Variants in MNT observed in about 807,000 individuals in gnomAD.
MNT encodes the protein MAX network transcriptional repressor.
MNT carries 13 observed loss-of-function variants against 40.7 expected under a neutral mutation model. The observed-to-expected ratio is 0.32, with a 90% CI of 0.21 to 0.51. MNT has a LOEUF of 0.51. Among genes scored for constraint, MNT ranks in the 20% least tolerant of loss-of-function variants. The pLI is 0.98. For synonymous variants in MNT, 426 were observed against 354.8 expected, an observed-to-expected ratio of 1.20 and a Z score of -2.26; for missense variants, 757 against 792.0, an observed-to-expected ratio of 0.96 and a Z score of 0.53.
At position 2,385,838 on chromosome 17, in the gene MNT, G is replaced by A. The variant is rs750320233; in HGVS notation, c.*1063C>T. 10 of 152,316 alleles carry A rather than the reference G, an allele frequency of 6.6e-5. No homozygotes were observed. The highest frequency in any genetic ancestry group is 1.2e-4 in the Non-Finnish European group (8 of 68,118). The allele number at this position is 152,316 out of a possible 1,614,324, so 9.4% of individuals were successfully genotyped here. On this transcript the variant is annotated 3_prime_UTR_variant, in exon 6 of 6. Transcript: ENST00000174618. The stretch of plus-strand genomic sequence containing the variant: ...GTTTTTACCTTCCTGATGTCTCAAC[G>A]ATGTGGCTTCTATGCTCCTGGAAAC...
In MNT at chr17:2,386,838, T is replaced by A; in HGVS notation, c.*63A>T. 5 of 1,414,716 alleles carry A rather than the reference T, an allele frequency of 3.5e-6. No homozygotes were observed. The highest frequency in any genetic ancestry group is 2.8e-6 in the Non-Finnish European group (3 of 1,074,900). The allele number at this position is 1,414,716 out of a possible 1,614,324, so 87.6% of individuals were successfully genotyped here. On this transcript the variant is annotated 3_prime_UTR_variant, in exon 6 of 6. Transcript: ENST00000174618. ...GGCTGGAATGTGTGGAGCTGGTGGGTGAGAGAGTGGGGGACAGGTCCCCCT... is the reference window on the plus strand; with the variant it reads ...GGCTGGAATGTGTGGAGCTGGTGGGAGAGAGAGTGGGGGACAGGTCCCCCT...
Position 2,385,182 on chromosome 17 carries a change from T to C in MNT, c.*1719A>G, listed in dbSNP as rs1364486783. The C allele has an allele frequency of 6.6e-6, 1 of 152,140 alleles. No individual in the cohort carries two copies. The highest frequency in any genetic ancestry group is 2.4e-5 in the African/African-American group (1 of 41,372). The allele number at this position is 152,140 out of a possible 1,614,324, so 9.4% of individuals were successfully genotyped here. ...AAATAAGGAACAGTCCCCTGGGAGG[T>C]GTCCAGGACCAGGAGGGAACAGGAA... is the stretch of plus-strand genomic sequence containing the variant. On this transcript the variant is annotated 3_prime_UTR_variant, in exon 6 of 6. Coordinates refer to ENST00000174618, the MANE Select transcript of MNT (RefSeq NM_020310.3).
rs2066607200 is a variant in MNT, at chr17:2,400,463, A to T, written c.73+177T>A. The T allele has an allele frequency of 1.7e-5, 9 of 533,528 alleles. No individual in the cohort carries two copies. The Admixed American group carries it at 3.0e-4, about 18-fold the overall frequency. The allele number at this position is 533,528 out of a possible 1,614,324, so 33.0% of individuals were successfully genotyped here. On this transcript the variant is annotated intron_variant, in intron 1 of 5. Coordinates refer to ENST00000174618, the MANE Select transcript of MNT (RefSeq NM_020310.3). ...CAGCATGTTAATGAATTCATTAATT[A>T]ATTTCACTGCCCACATCACCCCTCC...
At position 2,395,261 on chromosome 17, in the gene MNT, G is replaced by A. The variant is rs1296462814; in HGVS notation, c.267C>T (p.Ile89=). 6.6e-7 allele frequency: 1 copy of A among 1,519,388 alleles called. No homozygotes were observed. The highest frequency in any genetic ancestry group is 2.3e-5 in the East Asian group (1 of 44,110). The allele number at this position is 1,519,388 out of a possible 1,614,324, so 94.1% of individuals were successfully genotyped here. The part of the protein sequence containing the change: ...PLATPAPLTV[I]PIPVVTNSPQ... ...GGGAGTTGGTCACCACAGGGATAGG[G>A]ATGACAGTCAGTGGGGCAGGGGTGG... The change falls in exon 2 of 6, where the codon ATC becomes ATT. Residue 89 remains isoleucine, a synonymous_variant. Coordinates refer to ENST00000174618, the MANE Select transcript of MNT (RefSeq NM_020310.3).
At position 2,384,567 on chromosome 17, in the gene MNT, C is replaced by T; in HGVS notation, c.*2334G>A. The stretch of plus-strand genomic sequence containing the variant: ...TCTGAACATCAAAAGGTAAAACACG[C>T]ATGAGAGGTAAGATGTGTGCGTGTG... On this transcript the variant is annotated 3_prime_UTR_variant, in exon 6 of 6. Transcript: ENST00000174618. 1 of 151,926 alleles carries T rather than the reference C, an allele frequency of 6.6e-6. No individual in the cohort carries two copies. The highest frequency in any genetic ancestry group is 1.5e-5 in the Non-Finnish European group (1 of 68,064). The allele number at this position is 151,926 out of a possible 1,614,324, so 9.4% of individuals were successfully genotyped here.
Position 2,400,742 on chromosome 17 carries a change from G to C in MNT, c.-30C>G, listed in dbSNP as rs777659518. On this transcript the variant is annotated 5_prime_UTR_variant, in exon 1 of 6. Coordinates refer to ENST00000174618, the MANE Select transcript of MNT (RefSeq NM_020310.3). ...CCGAGAGCTGCCGGGGGCGCGCCGG[G>C]GCCGAGGCTGCGGCCCGCGAGCCGG... 1 of 1,510,810 alleles carries C rather than the reference G, an allele frequency of 6.6e-7. No homozygotes were observed. 93.6% of individuals were successfully genotyped at this position (1,510,810 alleles called of 1,614,324 possible).
At chr17:2,395,920 C>A (rs1043753070) in intron 1 of MNT, among the ~76,000 whole-genome samples, 4 of 152,158 alleles carry the variant, frequency 2.6e-5, no homozygotes, top group African/African-American at 9.7e-5. Context: ...GCTGACAGAT[C>A]CCAGCTTCCG....
intron 1 of MNT, among the ~76,000 whole-genome samples, chr17:2,399,028 G>GCGGCGGCGGCACA (rs1231996712): frequency 1.6e-5 from 2 of 128,382 alleles, no homozygotes; most frequent in Admixed American, 7.7e-5. Flanking sequence ...CCCGCCCGCC[G>GCGGCGGCGGCACA]CGGCGGCGGC....
chr17:2,395,207 CAAGGGT>C lies in MNT; in HGVS notation c.315_320del (p.Leu107_Pro108del). On this transcript the variant is annotated inframe_deletion, in exon 2 of 6. Transcript: ENST00000174618. ...GGGGCAGAGGCTGGGCTGCCGCGGG[CAAGGGT>C]GGGGGTGGGGGTAGAGGCTGAGGGG... 7.7e-7 allele frequency: 1 copy of C among 1,298,670 alleles called. No homozygotes were observed. Among genetic ancestry groups the C allele is most frequent in the Non-Finnish European group, 1.0e-6 (1 of 1,001,702 alleles). The allele number at this position is 1,298,670 out of a possible 1,614,324, so 80.4% of individuals were successfully genotyped here.
At chr17:2,388,499 C>G (rs1270440277) in intron 4 of MNT, among the ~76,000 whole-genome samples, 1 of 152,054 alleles carries the variant, frequency 6.6e-6, no homozygotes, top group African/African-American at 2.4e-5. Flanking sequence ...GGCAGTGACA[C>G]GCCCTCGCCC....
intron 4 of MNT, chr17:2,392,716 T>C (rs2066530353): frequency 1.3e-5 from 2 of 151,736 alleles, no homozygotes; most frequent in South Asian, 2.1e-4. Context: ...GGCCGCGGCT[T>C]CCCTGCGTCA....
At position 2,395,323 on chromosome 17, in the gene MNT, G is replaced by C; in HGVS notation, c.205C>G (p.Pro69Ala). The C allele has an allele frequency of 6.2e-7, 1 of 1,609,224 alleles. No individual in the cohort carries two copies. The highest frequency in any genetic ancestry group is 8.5e-7 in the Non-Finnish European group (1 of 1,178,170). Residue 69 changes from proline (P) to alanine (A), a missense_variant, in exon 2 of 6, where the codon CCA becomes GCA. By Grantham distance (27) the Pro-to-Ala change is conservative (BLOSUM62 -1). Around this residue, in one of 4 missense-constraint regions of MNT, gnomAD observed 335 missense variants for 291.4 expected, o/e 1.15. Transcript: ENST00000174618. Reference protein sequence around the residue: ...RMEAPPLPLSPPAPPPAPPPP... With the variant: ...RMEAPPLPLSAPAPPPAPPPP... ...GGGGGTGCCGGCGGGGGAGCCGGTGGAGACAGAGGCAGGGGTGGCGCCTCC... is the reference window on the plus strand; with the variant it reads ...GGGGGTGCCGGCGGGGGAGCCGGTGCAGACAGAGGCAGGGGTGGCGCCTCC...
chr17:2,394,463 G>A (rs923164464), intron 2 of MNT, 117 bp from the exon 3 acceptor site: 2 of 1,477,924 alleles, frequency 1.4e-6, no homozygotes, highest in Non-Finnish European at 9.3e-7. Flanking sequence ...CTGTCTTAAA[G>A]CAGACTGGGA....
Position 2,395,150 on chromosome 17 carries a change from G to A in MNT, c.378C>T (p.Ala126=). The A allele has an allele frequency of 2.0e-6, 3 of 1,464,202 alleles. No homozygotes were observed. The highest frequency in any genetic ancestry group is 2.7e-6 in the Non-Finnish European group (3 of 1,110,958). The allele number at this position is 1,464,202 out of a possible 1,614,324, so 90.7% of individuals were successfully genotyped here. ...CAGGCTCCTTAATGCTGAGTCCGGG[G>A]GCGCCAACCAGGGCCGGCTGACGAG... The part of the protein sequence containing the change: ...LAPRQPALVG[A]PGLSIKEPAP... The change falls in exon 2 of 6, where the codon GCC becomes GCT. Residue 126 remains alanine (A), a synonymous_variant. Coordinates refer to ENST00000174618, the MANE Select transcript of MNT (RefSeq NM_020310.3).
intron 4 of MNT, chr17:2,390,946 G>C (rs947232162): frequency 3.3e-5 from 5 of 152,204 alleles, no homozygotes; most frequent in Non-Finnish European, 1.5e-5. Context: ...TTTTCTGCTA[G>C]GAAGACAGTA....
intron 1 of MNT, among the ~76,000 whole-genome samples, chr17:2,399,491 T>C (rs951928976): frequency 6.6e-6 from 1 of 152,032 alleles, no homozygotes; most frequent in Admixed American, 6.6e-5. Flanking sequence ...ATTCTGAGGG[T>C]TTCCCTTGCC....
At position 2,385,454 on chromosome 17, in the gene MNT, G is replaced by T. The variant is rs181718674; in HGVS notation, c.*1447C>A. ...TGTGTGTCCAGGTGGGGAGCCGAGC[G>T]TGTCTGACACAAAGCCACTTGTAAT... On this transcript the variant is annotated 3_prime_UTR_variant, in exon 6 of 6. Transcript: ENST00000174618. 7 of 152,278 alleles carry T rather than the reference G, an allele frequency of 4.6e-5. No homozygotes were observed. Among genetic ancestry groups the T allele is most frequent in the Non-Finnish European group, 1.0e-4 (7 of 68,090 alleles). The allele number at this position is 152,278 out of a possible 1,614,324, so 9.4% of individuals were successfully genotyped here.
At position 2,385,255 on chromosome 17, in the gene MNT, T is replaced by C. The variant is rs1441545655; in HGVS notation, c.*1646A>G. On this transcript the variant is annotated 3_prime_UTR_variant, in exon 6 of 6. Coordinates refer to ENST00000174618, the MANE Select transcript of MNT (RefSeq NM_020310.3). The stretch of plus-strand genomic sequence containing the variant: ...ATTCTTTATTTCCAGAGAAAATCTA[T>C]TCAAGACCTTTGCTGACCTCCTCTG... The C allele has an allele frequency of 6.6e-6, 1 of 152,258 alleles. No homozygotes were observed. Among genetic ancestry groups the C allele is most frequent in the Non-Finnish European group, 1.5e-5 (1 of 68,078 alleles). 9.4% of individuals were successfully genotyped at this position (152,258 alleles called of 1,614,324 possible).
chr17:2,387,585 C>T lies in MNT; in HGVS notation c.1065G>A (p.Leu355=), dbSNP rs1204181850. 1 of 1,614,046 alleles carries T rather than the reference C, an allele frequency of 6.2e-7. No homozygotes were observed. Among genetic ancestry groups the T allele is most frequent in the Non-Finnish European group, 8.5e-7 (1 of 1,179,988 alleles). The change falls in exon 6 of 6, where the codon CTG becomes CTA. Residue 355 remains leucine (L), a synonymous_variant. Transcript: ENST00000174618. Reference sequence around the variant, plus strand: ...GCAGCTCCGGCTGGGGACGATGGCTCAGCTTAGGTGGGCCCAGGCCCGCCC... The same window carrying T: ...GCAGCTCCGGCTGGGGACGATGGCTTAGCTTAGGTGGGCCCAGGCCCGCCC... ...EDRAGLGPPK[L]SHRPQPELLK...
Sources: allele counts gnomAD v4.1 joint callset (sites outside exome capture counted in the v4.1 genomes callset), GRCh38; gene constraint gnomAD v4.1.1; regional missense constraint gnomAD v4.1.1; transcripts MANE v1.5; gene names NCBI Gene and HGNC (gene_info 2026-07-23, HGNC 2026-07-21).